SCMH1: variants seen among roughly 807,000 people sequenced by gnomAD.
SCMH1 encodes polycomb protein SCMH1.
Under a neutral mutation model 70.8 loss-of-function variants are expected in SCMH1, and 37 were observed. The ratio of observed to expected loss-of-function variants is 0.52; its 90% CI spans 0.40 to 0.69. SCMH1 has a LOEUF of 0.69. Among genes scored for constraint, SCMH1 ranks in the 30% least tolerant of loss-of-function variants. The pLI, the probability that SCMH1 is intolerant of heterozygous loss-of-function variation, is 0.00. For missense variants in SCMH1, 607 were observed against 827.3 expected (o/e 0.73, Z 3.27); for synonymous variants, 292 against 307.4 (o/e 0.95, Z 0.52).
At position 41,241,334 on chromosome 1, in the gene SCMH1, C is replaced by G. The variant is rs546660714; in HGVS notation, c.-118+725G>C. Among the ~76,000 whole-genome samples, 17 of 152,356 alleles carry G rather than the reference C, an allele frequency of 1.1e-4. No homozygotes were observed. The South Asian group carries it at 3.5e-3, about 32-fold the overall frequency. ...TCTCGGGCTGGCACACAACTGTGCC[C>G]ACGTGTCTGGCCCCCAGGGCCGCTG... On this transcript the variant is annotated intron_variant, in intron 1 of 14. Transcript: ENST00000337495.
chr1:41,136,134 T>TA (rs1001772614), intron 6 of SCMH1, among the ~76,000 whole-genome samples: 2 of 151,842 alleles, frequency 1.3e-5, no homozygotes, highest in African/African-American at 4.8e-5. Flanking sequence ...TTTGCAGAGA[T>TA]AGAGTTTTGC....
At chr1:41,178,332 A>T (rs1011734187) in intron 2 of SCMH1, among the ~76,000 whole-genome samples, 1 of 152,230 alleles carries the variant, frequency 6.6e-6, no homozygotes. Flanking sequence ...TGCATCAACT[A>T]ACGAGCAAAA....
At chr1:41,198,916 G>A (rs780073794) in intron 1 of SCMH1, among the ~76,000 whole-genome samples, 20 of 152,044 alleles carry the variant, frequency 1.3e-4, no homozygotes, top group Admixed American at 5.9e-4. Context: ...ATTTCACCTT[G>A]CCTGACTGAC....
At chr1:41,074,215 A>G (rs1303194897) in intron 9 of SCMH1, among the ~76,000 whole-genome samples, 1 of 152,070 alleles carries the variant, frequency 6.6e-6, no homozygotes, top group Non-Finnish European at 1.5e-5. Flanking sequence ...GAATACTAGA[A>G]GTGTTGTGTC....
intron 1 of SCMH1, among the ~76,000 whole-genome samples, chr1:41,210,305 G>T (rs139545998): frequency 2.6e-5 from 4 of 152,074 alleles, no homozygotes; most frequent in African/African-American, 9.7e-5. Flanking sequence ...CAGATTCAAC[G>T]CCATCCCCAT....
intron 1 of SCMH1, among the ~76,000 whole-genome samples, chr1:41,187,080 CA>C (rs1238675500): frequency 6.6e-6 from 1 of 152,004 alleles, no homozygotes; most frequent in African/African-American, 2.4e-5. Flanking sequence ...AAAAACAAAA[CA>C]AAAAATGCTG....
intron 1 of SCMH1, among the ~76,000 whole-genome samples, chr1:41,237,234 A>G (rs985895057): frequency 1.3e-5 from 2 of 152,224 alleles, no homozygotes; most frequent in African/African-American, 4.8e-5. Context: ...ATTTGAAATT[A>G]GAGCTTCTTC....
At chr1:41,170,365 C>A (rs1204904105) in intron 2 of SCMH1, among the ~76,000 whole-genome samples, 1 of 152,202 alleles carries the variant, frequency 6.6e-6, no homozygotes, top group African/African-American at 2.4e-5. Context: ...CTGGCCCTAG[C>A]GTGCTTCAGT....
chr1:41,053,676 A>G (rs985933863), intron 10 of SCMH1, among the ~76,000 whole-genome samples: 1 of 152,232 alleles, frequency 6.6e-6, no homozygotes, highest in African/African-American at 2.4e-5. Flanking sequence ...ATTGGGACAG[A>G]TTCTGATACC....
chr1:41,116,401 G>A (rs1223098439), intron 7 of SCMH1, among the ~76,000 whole-genome samples: 5 of 152,266 alleles, frequency 3.3e-5, no homozygotes, highest in East Asian at 1.9e-4. Flanking sequence ...CTGTTCTGCC[G>A]CTTACTAGCC....
intron 8 of SCMH1, among the ~76,000 whole-genome samples, chr1:41,100,624 G>A (rs1666358003): frequency 6.8e-6 from 1 of 147,574 alleles, no homozygotes; most frequent in Non-Finnish European, 1.5e-5. Flanking sequence ...GGAGTGCAGT[G>A]GCACGATCTC....
At chr1:41,099,579 C>T (rs958564471) in intron 8 of SCMH1, among the ~76,000 whole-genome samples, 26 of 152,218 alleles carry the variant, frequency 1.7e-4, no homozygotes, top group African/African-American at 6.3e-4. Context: ...ACTTTGAAGT[C>T]AGAAACCCAT....
chr1:41,108,818 T>C (rs2147806543), intron 8 of SCMH1, among the ~76,000 whole-genome samples: 1 of 152,304 alleles, frequency 6.6e-6, no homozygotes, highest in African/African-American at 2.4e-5. Flanking sequence ...TTAAACTAGA[T>C]AGTATTACAG....
In SCMH1 at chr1:41,211,403, C is replaced by G. The variant is rs149704562; in HGVS notation, c.-117-25153G>C. Among the ~76,000 whole-genome samples, 828 of 152,272 alleles carry G rather than the reference C, an allele frequency of 5.4e-3. 11 individuals carry two copies. Among genetic ancestry groups the G allele is most frequent in the African/African-American group, 0.019 (796 of 41,548 alleles). ...CAAAAGAAGACATTTATGCAGCCAA[C>G]AGACACATGAAAAAATGCTCATCAT... On this transcript the variant is annotated intron_variant, in intron 1 of 14. Coordinates refer to ENST00000337495, the Ensembl canonical transcript of SCMH1.
intron 12 of SCMH1, among the ~76,000 whole-genome samples, chr1:41,042,469 G>A (rs2300655): frequency 0.11 from 16,539 of 152,072 alleles, 1,275 homozygotes; most frequent in East Asian, 0.28. Context: ...GGCTGGTCTC[G>A]AACTCCCGAC....
chr1:41,144,665 G>A (rs1356382277), intron 5 of SCMH1, among the ~76,000 whole-genome samples: 1 of 152,136 alleles, frequency 6.6e-6, no homozygotes, highest in Non-Finnish European at 1.5e-5. Flanking sequence ...AACACTTTGG[G>A]TAACCTCTGA....
intron 10 of SCMH1, among the ~76,000 whole-genome samples, chr1:41,053,001 T>C (rs543902397): frequency 6.8e-6 from 1 of 148,042 alleles, no homozygotes; most frequent in East Asian, 2.1e-4. Flanking sequence ...CACTGCAACC[T>C]CCACCTCCCG....
Position 41,116,803 on chromosome 1 carries a change from A to T in SCMH1, c.501+119T>A, listed in dbSNP as rs574241050. ...ATTGCTGCTTCATAAGCTACTAAAA[A>T]ATCCTTCTGAACTAATTTCTGAGAA... is the stretch of plus-strand genomic sequence containing the variant. On this transcript the variant is annotated intron_variant, in intron 7 of 14. Transcript: ENST00000337495. The T allele has an allele frequency of 1.1e-5, 7 of 656,358 alleles. No homozygotes were observed. In the African/African-American group the frequency reaches 1.1e-4, roughly 10 times the overall value. The allele number at this position is 656,358 out of a possible 1,614,324, so 40.7% of individuals were successfully genotyped here. A position where few individuals can be genotyped will look rare whatever the true frequency, so the allele number is the denominator to read the frequency against.
chr1:41,030,166 G>A (rs1644316810), intron 13 of SCMH1, among the ~76,000 whole-genome samples: 1 of 152,134 alleles, frequency 6.6e-6, no homozygotes, highest in Non-Finnish European at 1.5e-5. Context: ...AGTGAGCTGT[G>A]AGCGCCATTG....
Sources: gnomAD v4.1 joint callset for allele counts (sites outside exome capture counted in the v4.1 genomes callset) on GRCh38, gnomAD v4.1.1 for gene constraint, MANE v1.5 for transcripts, NCBI Gene and HGNC (gene_info 2026-07-23, HGNC 2026-07-21) for gene names.